ICOS: variants seen among roughly 807,000 people sequenced by gnomAD.
ICOS encodes the protein inducible T cell costimulator, also known as inducible T-cell costimulator.
In ICOS, 15 loss-of-function variants were observed where a neutral mutation model predicts 24.6. The observed-to-expected ratio is 0.61, with a 90% CI of 0.41 to 0.94. The LOEUF is 0.94. ICOS is among the 40% of genes least tolerant of loss of function. The pLI, the probability that ICOS is intolerant of heterozygous loss-of-function variation, is 0.00. For missense variants in ICOS, 200 were observed against 233.0 expected (o/e 0.86, Z 0.92); for synonymous variants, 89 against 77.5 (o/e 1.15, Z -0.78).
intron 1 of ICOS, among the ~76,000 whole-genome samples, chr2:203,945,090 A>C (rs969721149): frequency 1.4e-4 from 21 of 152,320 alleles, no homozygotes; most frequent in Middle Eastern, 6.8e-3. Flanking sequence ...ACACCTTATA[A>C]GCAATAGAAC....
At position 203,955,900 on chromosome 2, in the gene ICOS, T is replaced by G. The variant is rs1458236206; in HGVS notation, c.323T>G (p.Phe108Cys). 5 of 1,613,510 alleles carry G rather than the reference T, an allele frequency of 3.1e-6. No individual in the cohort carries two copies. The highest frequency in any genetic ancestry group is 1.1e-5 in the South Asian group (1 of 91,058). ...GACCATTCTCATGCCAACTATTACT[T>G]CTGCAACCTATCAATTTTTGATCCT... ...NLDHSHANYY[F>C]CNLSIFDPPP... The change falls in exon 2 of 5, where the codon TTC becomes TGC. Residue 108 changes from phenylalanine to cysteine, a missense_variant. Transcript: ENST00000316386.
At chr2:203,939,443 T>C (rs1241065591) in intron 1 of ICOS, among the ~76,000 whole-genome samples, 3 of 152,160 alleles carry the variant, frequency 2.0e-5, no homozygotes, top group Admixed American at 6.5e-5. Context: ...AATGTGAATG[T>C]CTAACTACAT....
intron 1 of ICOS, among the ~76,000 whole-genome samples, chr2:203,939,762 T>C (rs767371509): frequency 6.6e-6 from 1 of 152,158 alleles, no homozygotes; most frequent in African/African-American, 2.4e-5. Context: ...TCTGTGAAGA[T>C]GACTGACCTT....
At chr2:203,953,245 A>C (rs182991412) in intron 1 of ICOS, among the ~76,000 whole-genome samples, 8 of 152,258 alleles carry the variant, frequency 5.3e-5, no homozygotes, top group African/African-American at 1.4e-4. Context: ...CAAAAGTTTG[A>C]ATTTGAAAGA....
intron 1 of ICOS, among the ~76,000 whole-genome samples, chr2:203,955,253 A>G (rs886129444): frequency 1.3e-5 from 2 of 152,172 alleles, no homozygotes; most frequent in Non-Finnish European, 2.9e-5. Context: ...CTTCATTTAA[A>G]TAGTACTCCA....
At position 203,956,704 on chromosome 2, in the gene ICOS, G is replaced by A; in HGVS notation, c.440G>A (p.Cys147Tyr). Reference sequence around the variant, plus strand: ...CTGAAGTTCTGGTTACCCATAGGATGTGCAGCCTTTGTTGTAGTCTGCATT... The same window carrying A: ...CTGAAGTTCTGGTTACCCATAGGATATGCAGCCTTTGTTGTAGTCTGCATT... ...CQLKFWLPIG[C>Y]AAFVVVCILG... is the part of the protein sequence containing the mutation. Residue 147 changes from cysteine (C) to tyrosine (Y), a missense_variant, in exon 3 of 5, where the codon TGT becomes TAT. By Grantham distance (194) the Cys-to-Tyr change is radical. Transcript: ENST00000316386. The A allele has an allele frequency of 6.2e-7, 1 of 1,613,528 alleles. No homozygotes were observed. The highest frequency in any genetic ancestry group is 8.5e-7 in the Non-Finnish European group (1 of 1,179,542).
chr2:203,941,086 G>A (rs567998763), intron 1 of ICOS, among the ~76,000 whole-genome samples: 20 of 152,132 alleles, frequency 1.3e-4, no homozygotes, highest in Non-Finnish European at 1.8e-4. Flanking sequence ...GTGAGCCACC[G>A]CGCCCCGCTG....
chr2:203,947,637 T>G lies in ICOS; in HGVS notation c.59-7999T>G, dbSNP rs10197007. On this transcript the variant is annotated intron_variant, in intron 1 of 4. Coordinates refer to ENST00000316386, the MANE Select transcript of ICOS (RefSeq NM_012092.4). ...AATTATTGTTAGCAGCAGTTAACAG[T>G]CTTGAGCCTCTACTGGGAAGAATAT... Among the ~76,000 whole-genome samples, 1,098 of 152,260 alleles carry G rather than the reference T, an allele frequency of 7.2e-3. 22 individuals are homozygous for G. The highest frequency in any genetic ancestry group is 0.025 in the African/African-American group (1,059 of 41,556).
rs1690145839 is a variant in ICOS at position 203,959,810 on chromosome 2, A to C, written c.*211A>C. On this transcript the variant is annotated 3_prime_UTR_variant, in exon 5 of 5. Transcript: ENST00000316386. ...ACTGCCGAGTCCTCTCAAAACAAAC[A>C]CCCTCTTGCAACCAGCTTTGGAGAA... 1.6e-6 allele frequency: 1 copy of C among 626,574 alleles called. No homozygotes were observed. The highest frequency in any genetic ancestry group is 2.4e-5 in the Admixed American group (1 of 42,426). The allele number at this position is 626,574 out of a possible 1,614,324, so 38.8% of individuals were successfully genotyped here.
intron 1 of ICOS, among the ~76,000 whole-genome samples, chr2:203,941,426 G>T: frequency 6.6e-6 from 1 of 152,032 alleles, no homozygotes; most frequent in East Asian, 1.9e-4. Flanking sequence ...GCATGTAGGG[G>T]GGACTGAAAT....
intron 1 of ICOS, among the ~76,000 whole-genome samples, chr2:203,942,675 A>C (rs1689798812): frequency 6.6e-6 from 1 of 152,234 alleles, no homozygotes; most frequent in Admixed American, 6.5e-5. Context: ...AAGGAAAATA[A>C]ATACCTGAAA....
At chr2:203,937,243 G>T (rs1689669255) in intron 1 of ICOS, among the ~76,000 whole-genome samples, 1 of 152,130 alleles carries the variant, frequency 6.6e-6, no homozygotes, top group South Asian at 2.1e-4. Flanking sequence ...CTGGCATTTG[G>T]ACTGGGAATT....
intron 4 of ICOS, among the ~76,000 whole-genome samples, chr2:203,958,347 G>C (rs1407866465): frequency 6.6e-6 from 1 of 152,188 alleles, no homozygotes; most frequent in Admixed American, 6.5e-5. Context: ...CTGCTAGAGG[G>C]AAGAAGGAGA....
chr2:203,953,760 G>A (rs753352634), intron 1 of ICOS, among the ~76,000 whole-genome samples: 1 of 152,014 alleles, frequency 6.6e-6, no homozygotes, highest in Non-Finnish European at 1.5e-5. Flanking sequence ...AATATCCAAC[G>A]TTAGTATTTT....
chr2:203,959,958 T>C lies in ICOS; in HGVS notation c.*359T>C. On this transcript the variant is annotated 3_prime_UTR_variant, in exon 5 of 5. Coordinates refer to ENST00000316386, the MANE Select transcript of ICOS (RefSeq NM_012092.4). ...AATGTTTTAAAGATGCCAGGGGTAC[T>C]GAATCTGCAAAGCAAATGAGCAGCC... 1 of 370,952 alleles carries C rather than the reference T, an allele frequency of 2.7e-6. No individual in the cohort carries two copies. The highest frequency in any genetic ancestry group is 5.2e-6 in the Non-Finnish European group (1 of 193,220). 23.0% of individuals were successfully genotyped at this position (370,952 alleles called of 1,614,324 possible). A position where few individuals can be genotyped will look rare whatever the true frequency, so the allele number is the denominator to read the frequency against.
chr2:203,956,582 A>G, intron 2 of ICOS, 77 bp from the exon 3 acceptor site: 2 of 979,444 alleles, frequency 2.0e-6, no homozygotes, highest in Non-Finnish European at 3.3e-6. Flanking sequence ...ATTTGATTAA[A>G]TAGCTCTTTT....
intron 1 of ICOS, among the ~76,000 whole-genome samples, chr2:203,950,202 G>T (rs1209736112): frequency 6.6e-6 from 1 of 152,182 alleles, no homozygotes; most frequent in Non-Finnish European, 1.5e-5. Context: ...GGGTCTAGGG[G>T]CCTAGGTCTA....
intron 1 of ICOS, among the ~76,000 whole-genome samples, chr2:203,952,235 T>C (rs1393319185): frequency 6.6e-6 from 1 of 152,230 alleles, no homozygotes; most frequent in Non-Finnish European, 1.5e-5. Context: ...TCAGATTATA[T>C]TAACTATTTC....
Position 203,961,174 on chromosome 2 carries a change from AC to A in ICOS, c.*1578del, listed in dbSNP as rs1426887497. 6.6e-6 allele frequency: 1 copy of A among 152,166 alleles called. No individual in the cohort carries two copies. The highest frequency in any genetic ancestry group is 1.5e-5 in the Non-Finnish European group (1 of 68,168). 9.4% of individuals were successfully genotyped at this position (152,166 alleles called of 1,614,324 possible). On this transcript the variant is annotated 3_prime_UTR_variant, in exon 5 of 5. Transcript: ENST00000316386. The stretch of plus-strand genomic sequence containing the variant: ...TGTGTGCTTATAGTTTACAAGTGAG[AC>A]CCGATATGTCATTATGCATACTTAT...
Sources: gnomAD v4.1 joint callset for allele counts (sites outside exome capture counted in the v4.1 genomes callset) on GRCh38, gnomAD v4.1.1 for gene constraint, MANE v1.5 for transcripts, NCBI Gene and HGNC (gene_info 2026-07-23, HGNC 2026-07-21) for gene names.